Variants in JAZF1 observed in about 807,000 individuals in gnomAD.
JAZF1 encodes JAZF zinc finger 1.
A neutral mutation model predicts 26.4 loss-of-function variants in JAZF1; 8 were observed. The observed-to-expected ratio is 0.30, with a 90% CI of 0.18 to 0.55. JAZF1 has a LOEUF of 0.55. JAZF1 is among the 20% of genes least tolerant of loss of function. The pLI, the probability that JAZF1 is intolerant of heterozygous loss-of-function variation, is 0.94. For synonymous variants in JAZF1, 126 were observed against 122.3 expected (o/e 1.03, Z -0.20); for missense variants, 199 against 322.0 (o/e 0.62, Z 2.92).
chr7:27,975,257 A>G lies in JAZF1; in HGVS notation c.188+16652T>C, dbSNP rs528927029. Among the ~76,000 whole-genome samples, 14 of 152,152 alleles carry G rather than the reference A, an allele frequency of 9.2e-5. No individual in the cohort carries two copies. In the East Asian group the frequency reaches 2.5e-3, roughly 27 times the overall value. On this transcript the variant is annotated intron_variant, in intron 2 of 4. Transcript: ENST00000283928. The stretch of plus-strand genomic sequence containing the variant: ...ACATGTTAAGGGCAGGAGCAAGAGG[A>G]GGGGGAGGTACCACATGCTTTTAAA...
intron 1 of JAZF1, among the ~76,000 whole-genome samples, chr7:28,041,696 C>G (rs1783394984): frequency 6.6e-6 from 1 of 152,172 alleles, no homozygotes; most frequent in Non-Finnish European, 1.5e-5. Context: ...GTCTCCTTGA[C>G]TACATTTGGG....
At position 27,865,000 on chromosome 7, in the gene JAZF1, T is replaced by C. The variant is rs114242097; in HGVS notation, c.386-24133A>G. Among the ~76,000 whole-genome samples the C allele has an allele frequency of 7.3e-3, 1,114 of 152,084 alleles. 11 individuals carry two copies. Among genetic ancestry groups the C allele is most frequent in the African/African-American group, 0.022 (914 of 41,462 alleles). ...CTGCAGACCGTGACCCAGGAGTAGGTTGTGAGATCAATTTAATGGGGCATG... is the reference window on the plus strand; with the variant it reads ...CTGCAGACCGTGACCCAGGAGTAGGCTGTGAGATCAATTTAATGGGGCATG... On this transcript the variant is annotated intron_variant, in intron 3 of 4. Coordinates refer to ENST00000283928, the MANE Select transcript of JAZF1 (RefSeq NM_175061.4).
At chr7:27,924,486 G>T (rs936214726) in intron 2 of JAZF1, among the ~76,000 whole-genome samples, 13 of 152,184 alleles carry the variant, frequency 8.5e-5, no homozygotes, top group African/African-American at 3.1e-4. Flanking sequence ...TACAATTTTT[G>T]TTCACTATAA....
chr7:28,071,544 A>G (rs1028513904), intron 1 of JAZF1: 1 of 462,932 alleles, frequency 2.2e-6, no homozygotes, highest in Admixed American at 2.5e-5. Flanking sequence ...AATACACAAA[A>G]GTTAGTATGT....
At chr7:27,851,927 G>C (rs1170102690) in intron 3 of JAZF1, among the ~76,000 whole-genome samples, 1 of 148,894 alleles carries the variant, frequency 6.7e-6, no homozygotes, top group Middle Eastern at 3.2e-3. Flanking sequence ...TGATGCCTGG[G>C]GGTTCTGAGT....
intron 2 of JAZF1, among the ~76,000 whole-genome samples, chr7:27,933,472 A>C (rs540575543): frequency 6.6e-6 from 1 of 152,356 alleles, no homozygotes; most frequent in African/African-American, 2.4e-5. Context: ...TATTACAAAA[A>C]ACACACATAA....
chr7:28,150,273 G>T (rs1208039389), intron 1 of JAZF1, among the ~76,000 whole-genome samples: 1 of 152,190 alleles, frequency 6.6e-6, no homozygotes, highest in Non-Finnish European at 1.5e-5. Flanking sequence ...GCAAAGATGT[G>T]CTGGGAGGAC....
intron 2 of JAZF1, among the ~76,000 whole-genome samples, chr7:27,947,984 T>C (rs1251122065): frequency 1.3e-5 from 2 of 152,170 alleles, no homozygotes; most frequent in Admixed American, 1.3e-4. Flanking sequence ...GGTCTTTTGG[T>C]CAATTCATGG....
chr7:28,008,361 G>A (rs182013172), intron 1 of JAZF1, among the ~76,000 whole-genome samples: 8 of 152,112 alleles, frequency 5.3e-5, no homozygotes, highest in African/African-American at 1.2e-4. Context: ...GACTACAGGC[G>A]TGCACCACTA....
intron 1 of JAZF1, among the ~76,000 whole-genome samples, chr7:28,144,573 C>T (rs1371065104): frequency 1.3e-5 from 2 of 152,192 alleles, no homozygotes; most frequent in African/African-American, 4.8e-5. Context: ...TGCCAGGGGT[C>T]TGTACAGGCT....
chr7:28,139,980 G>A (rs1782939092), intron 1 of JAZF1, among the ~76,000 whole-genome samples: 1 of 152,124 alleles, frequency 6.6e-6, no homozygotes, highest in African/African-American at 2.4e-5. Flanking sequence ...AAGAGACGGA[G>A]GTTGGGGAGG....
At chr7:28,154,923 G>C (rs1783157892) in intron 1 of JAZF1, among the ~76,000 whole-genome samples, 1 of 151,362 alleles carries the variant, frequency 6.6e-6, no homozygotes, top group Non-Finnish European at 1.5e-5. Flanking sequence ...ACTAGGGAGA[G>C]AAAAAGGCAA....
intron 1 of JAZF1, among the ~76,000 whole-genome samples, chr7:28,051,168 A>C (rs1367623306): frequency 7.0e-6 from 1 of 143,094 alleles, no homozygotes; most frequent in Non-Finnish European, 1.5e-5. Flanking sequence ...AAAGTCTACT[A>C]CTATAACTGT....
intron 2 of JAZF1, among the ~76,000 whole-genome samples, chr7:27,971,256 T>C (rs1335420161): frequency 6.6e-6 from 1 of 152,170 alleles, no homozygotes; most frequent in African/African-American, 2.4e-5. Context: ...AAGTTCAAAG[T>C]GCTATTGCTG....
At chr7:28,130,830 A>G (rs1020775905) in intron 1 of JAZF1, among the ~76,000 whole-genome samples, 1 of 152,164 alleles carries the variant, frequency 6.6e-6, no homozygotes, top group Non-Finnish European at 1.5e-5. Context: ...AACTTCCTGA[A>G]CACAAGAGAT....
intron 1 of JAZF1, among the ~76,000 whole-genome samples, chr7:28,128,194 G>C (rs538582180): frequency 1.3e-5 from 2 of 152,260 alleles, no homozygotes; most frequent in Non-Finnish European, 2.9e-5. Context: ...CTGGTCCCTA[G>C]AGTAGCAGCT....
intron 3 of JAZF1, among the ~76,000 whole-genome samples, chr7:27,890,698 T>C (rs950460492): frequency 2.0e-5 from 3 of 151,482 alleles, no homozygotes; most frequent in Non-Finnish European, 4.4e-5. Context: ...ATGTCATACA[T>C]AAAGAATACA....
chr7:27,941,659 C>T (rs1784849864), intron 2 of JAZF1, among the ~76,000 whole-genome samples: 1 of 152,176 alleles, frequency 6.6e-6, no homozygotes, highest in Non-Finnish European at 1.5e-5. Flanking sequence ...CAGAGTGCTT[C>T]TGTACCTGTG....
chr7:28,125,938 C>G (rs966919776), intron 1 of JAZF1, among the ~76,000 whole-genome samples: 4 of 152,144 alleles, frequency 2.6e-5, no homozygotes, highest in Admixed American at 2.0e-4. Flanking sequence ...AGGTTGGTCT[C>G]AAGTGTAGTT....
Sources: gnomAD v4.1 joint callset for allele counts (sites outside exome capture counted in the v4.1 genomes callset) on GRCh38, gnomAD v4.1.1 for gene constraint, MANE v1.5 for transcripts, NCBI Gene and HGNC (gene_info 2026-07-23, HGNC 2026-07-21) for gene names.